GATB: variants seen among roughly 807,000 people sequenced by gnomAD.
The protein encoded by GATB is glutamyl-tRNA(Gln) amidotransferase subunit B, mitochondrial.
In GATB, 39 loss-of-function variants were observed where a neutral mutation model predicts 62.3. That is an observed-to-expected ratio of 0.63 (90% confidence interval 0.48 to 0.82). The LOEUF is 0.82. GATB is among the 40% of genes least tolerant of loss of function. The pLI is 0.00. For synonymous variants in GATB, 276 were observed against 258.9 expected (o/e 1.07, Z -0.63); for missense variants, 670 against 684.0 (o/e 0.98, Z 0.23).
At chr4:151,687,281 C>A (rs779912149) in intron 10 of GATB, among the ~76,000 whole-genome samples, 1 of 152,232 alleles carries the variant, frequency 6.6e-6, no homozygotes, top group Non-Finnish European at 1.5e-5. Flanking sequence ...GTCTGTCCTG[C>A]AGGCAGCTCG....
intron 6 of GATB, among the ~76,000 whole-genome samples, chr4:151,706,683 T>C (rs1035354435): frequency 6.6e-6 from 1 of 152,108 alleles, no homozygotes; most frequent in Non-Finnish European, 1.5e-5. Context: ...GAGTGGTTGA[T>C]TCACTTCAGG....
intron 10 of GATB, among the ~76,000 whole-genome samples, chr4:151,687,798 C>G (rs539104170): frequency 3.9e-5 from 6 of 152,280 alleles, no homozygotes; most frequent in African/African-American, 1.4e-4. Flanking sequence ...ATCTGTGAGC[C>G]AGGCAGAGGG....
In GATB at chr4:151,708,070, G is replaced by A. The variant is rs779245440; in HGVS notation, c.795C>T (p.Ser265=). The A allele has an allele frequency of 8.1e-6, 13 of 1,613,574 alleles. No individual in the cohort carries two copies. Among genetic ancestry groups the A allele is most frequent in the Admixed American group, 6.7e-5 (4 of 59,998 alleles). Residue 265 remains serine (S), a synonymous_variant, in exon 6 of 13, where the codon TCC becomes TCT. Coordinates refer to ENST00000263985, the MANE Select transcript of GATB (RefSeq NM_004564.3). The part of the protein sequence containing the change: ...EGQLRVDANI[S]VHHPGEPLGV... The stretch of plus-strand genomic sequence containing the variant: ...CCAAAGGCTCCCCAGGGTGATGCAC[G>A]GATATATTGGCATCCACTCTCAACT...
At chr4:151,755,413 T>C (rs1055343329) in intron 2 of GATB, among the ~76,000 whole-genome samples, 1 of 152,240 alleles carries the variant, frequency 6.6e-6, no homozygotes, top group African/African-American at 2.4e-5. Context: ...TCCAATTTTC[T>C]ACCTTTAAAA....
chr4:151,736,593 C>A (rs773326628), intron 2 of GATB, among the ~76,000 whole-genome samples: 1 of 152,208 alleles, frequency 6.6e-6, no homozygotes, highest in Non-Finnish European at 1.5e-5. Flanking sequence ...TTACCACTGC[C>A]ACTCCCAGCC....
chr4:151,708,273 T>C (rs1002240824), intron 5 of GATB, among the ~76,000 whole-genome samples, 172 bp from the exon 6 acceptor site: 2 of 152,246 alleles, frequency 1.3e-5, no homozygotes, highest in African/African-American at 4.8e-5. Flanking sequence ...CTGGTACTTC[T>C]GGCCACTCGA....
chr4:151,705,096 T>C (rs1738688058), intron 7 of GATB, 89 bp downstream of exon 7: 1 of 855,948 alleles, frequency 1.2e-6, no homozygotes, highest in African/African-American at 1.7e-5. Context: ...ACGTGCCTCC[T>C]TCAAGGTCAC....
rs1738598323 is a variant in GATB, at chr4:151,701,362, A to G, written c.1164T>C (p.Tyr388=). 6.3e-7 allele frequency: 1 copy of G among 1,584,398 alleles called. No individual in the cohort carries two copies. Among genetic ancestry groups the G allele is most frequent in the East Asian group, 2.3e-5 (1 of 43,008 alleles). The stretch of plus-strand genomic sequence containing the variant: ...TGAAGCTGTGTTCCAGCAGCATCCC[A>G]TACTGTTGGACAAGCTTCTCTCGGG... ...SVTREKLVQQ[Y]GMLLEHSFTL... is the part of the protein sequence containing the mutation. Residue 388 remains tyrosine, a synonymous_variant, in exon 9 of 13, where the codon TAT becomes TAC. Transcript: ENST00000263985.
In GATB at chr4:151,730,810, C is replaced by G. The variant is rs1028631820; in HGVS notation, c.328-11272G>C. 1.3e-5 allele frequency among the ~76,000 whole-genome samples: 2 copies of G among 152,220 alleles called. No homozygotes were observed. Among genetic ancestry groups the G allele is most frequent in the African/African-American group, 4.8e-5 (2 of 41,454 alleles). ...GCCCTGGACCTTCCCTCTGACAGAG[C>G]CTACCCAAATGAGAAGGAACGAGAA... On this transcript the variant is annotated intron_variant, in intron 2 of 12. Transcript: ENST00000263985. The surrounding 1 kb of genome is among the most constrained non-coding windows in gnomAD (Gnocchi z 4.1).
Position 151,680,890 on chromosome 4 carries a change from T to C in GATB, c.1332-999A>G, listed in dbSNP as rs751013. On this transcript the variant is annotated intron_variant, in intron 10 of 12. Coordinates refer to ENST00000263985, the MANE Select transcript of GATB (RefSeq NM_004564.3). ...GTTTTAGATTTTGAAGCATTTTGGA[T>C]TTCCAGGTTAGGGATACTCAACCTG... is the stretch of plus-strand genomic sequence containing the variant. Among the ~76,000 whole-genome samples the C allele has an allele frequency of 6.0e-3, 912 of 152,326 alleles. 34 individuals are homozygous for C. Among genetic ancestry groups the C allele is most frequent in the Admixed American group, 0.049 (756 of 15,304 alleles).
Position 151,692,162 on chromosome 4 carries a change from C to T in GATB, c.1198-3399G>A, listed in dbSNP as rs537925206. On this transcript the variant is annotated intron_variant, in intron 9 of 12. Coordinates refer to ENST00000263985, the MANE Select transcript of GATB (RefSeq NM_004564.3). ...CCCAACAACAACTCTCTGAGCTCAG[C>T]GCTCTCAGGACTTTTACAGATGAGG... Among the ~76,000 whole-genome samples, 8 of 152,314 alleles carry T rather than the reference C, an allele frequency of 5.3e-5. No homozygotes were observed. The South Asian group carries it at 1.2e-3, about 24-fold the overall frequency.
At chr4:151,678,949 G>A (rs1738074890) in intron 11 of GATB, among the ~76,000 whole-genome samples, 2 of 152,190 alleles carry the variant, frequency 1.3e-5, no homozygotes, top group Admixed American at 1.3e-4. Context: ...CTGGAGTGCA[G>A]TGGCACAATG....
chr4:151,714,354 G>A (rs1363294793), intron 5 of GATB, among the ~76,000 whole-genome samples: 1 of 152,210 alleles, frequency 6.6e-6, no homozygotes, highest in African/African-American at 2.4e-5. Context: ...AAAGGGGTGG[G>A]AGGAGGGACA....
chr4:151,742,046 TACAC>T (rs1348783148), intron 2 of GATB, among the ~76,000 whole-genome samples: 1 of 151,012 alleles, frequency 6.6e-6, no homozygotes, highest in Non-Finnish European at 1.5e-5. Flanking sequence ...CTGCAATACA[TACAC>T]AACAACACAG....
intron 7 of GATB, among the ~76,000 whole-genome samples, chr4:151,704,296 C>G (rs896032926): frequency 6.6e-6 from 1 of 152,132 alleles, no homozygotes; most frequent in East Asian, 1.9e-4. Flanking sequence ...TGGGAAAGAT[C>G]TGATAGATTA....
intron 10 of GATB, among the ~76,000 whole-genome samples, chr4:151,682,073 T>C (rs1275836777): frequency 6.6e-6 from 1 of 152,134 alleles, no homozygotes; most frequent in Non-Finnish European, 1.5e-5. Context: ...ACAAAATAAC[T>C]AAAAATAACG....
chr4:151,757,534 G>A (rs369186968), intron 2 of GATB, among the ~76,000 whole-genome samples: 15 of 144,824 alleles, frequency 1.0e-4, no homozygotes, highest in Admixed American at 8.5e-4. Context: ...GTGCAGTGGC[G>A]CGATCTCAGC....
chr4:151,680,092 T>A (rs1013691215), intron 10 of GATB, among the ~76,000 whole-genome samples: 1 of 152,190 alleles, frequency 6.6e-6, no homozygotes, highest in Non-Finnish European at 1.5e-5. Flanking sequence ...TTTTTGTGAC[T>A]AGTGTTCTTT....
intron 2 of GATB, among the ~76,000 whole-genome samples, chr4:151,731,195 C>T (rs1456597967): frequency 2.6e-5 from 4 of 151,832 alleles, no homozygotes; most frequent in Non-Finnish European, 4.4e-5. Context: ...CTGCCATCTC[C>T]GCTCACTGCA....
Sources: gnomAD v4.1 joint callset for allele counts (sites outside exome capture counted in the v4.1 genomes callset) on GRCh38, gnomAD v4.1.1 for gene constraint, Gnocchi (gnomAD v3.1) non-coding constraint, MANE v1.5 for transcripts, NCBI Gene and HGNC (gene_info 2026-07-23, HGNC 2026-07-21) for gene names.